Variants in GNAQ observed in about 807,000 individuals in gnomAD.
GNAQ encodes the protein guanine nucleotide-binding protein G(q) subunit alpha.
GNAQ carries 8 observed loss-of-function variants against 43.9 expected under a neutral mutation model. The ratio of observed to expected loss-of-function variants is 0.18; its 90% confidence interval spans 0.11 to 0.33. GNAQ has a LOEUF of 0.33. Ranked by LOEUF, GNAQ falls within the 10% of genes least tolerant of loss-of-function variation. The pLI, the probability that GNAQ is intolerant of heterozygous loss-of-function variation, is 1.00. For missense variants in GNAQ, 158 were observed against 450.8 expected (o/e 0.35, Z 5.88); for synonymous variants, 155 against 170.7 (o/e 0.91, Z 0.71).
chr9:77,784,919 T>C (rs573801290), intron 5 of GNAQ, among the ~76,000 whole-genome samples: 14 of 152,324 alleles, frequency 9.2e-5, no homozygotes, highest in African/African-American at 3.4e-4. Context: ...CCTGAATGTC[T>C]GAAATTTAAA....
intron 2 of GNAQ, among the ~76,000 whole-genome samples, chr9:77,841,966 T>G (rs1029065303): frequency 6.6e-6 from 1 of 152,196 alleles, no homozygotes; most frequent in Admixed American, 6.5e-5. Context: ...TTTTGTATGA[T>G]CTATGCCAAA....
At chr9:78,026,113 G>A (rs1399051657) in intron 1 of GNAQ, among the ~76,000 whole-genome samples, 2 of 152,064 alleles carry the variant, frequency 1.3e-5, no homozygotes, top group African/African-American at 4.8e-5. Context: ...ATATTAAAAT[G>A]GCTACTAAAT....
intron 2 of GNAQ, among the ~76,000 whole-genome samples, chr9:77,889,120 T>C (rs1828357464): frequency 6.6e-6 from 1 of 151,974 alleles, no homozygotes; most frequent in Admixed American, 6.6e-5. Flanking sequence ...TCAAAAAAAT[T>C]CCTTAATCCT....
chr9:77,884,688 C>T (rs867429822), intron 2 of GNAQ, among the ~76,000 whole-genome samples: 1 of 152,152 alleles, frequency 6.6e-6, no homozygotes, highest in South Asian at 2.1e-4. Flanking sequence ...GGAGGACAGG[C>T]TGTGGCTGTT....
rs977298358 is a variant in GNAQ at position 77,944,676 on chromosome 9, C to A, written c.137-22331G>T. Among the ~76,000 whole-genome samples the A allele has an allele frequency of 2.0e-5, 3 of 152,168 alleles. No homozygotes were observed. The South Asian group carries it at 6.2e-4, about 32-fold the overall frequency. ...TGTAACGCAAGAGAAATCTGGTCTG[C>A]CACTTTGACACTAACTTAGCTTGCC... On this transcript the variant is annotated intron_variant, in intron 1 of 6. Transcript: ENST00000286548.
At chr9:77,947,239 G>A (rs968869974) in intron 1 of GNAQ, among the ~76,000 whole-genome samples, 4 of 152,216 alleles carry the variant, frequency 2.6e-5, no homozygotes, top group Non-Finnish European at 5.9e-5. Context: ...ACTGGAATGA[G>A]GGGGAAGGGT....
intron 5 of GNAQ, among the ~76,000 whole-genome samples, chr9:77,761,121 G>A (rs1251864964): frequency 3.3e-5 from 5 of 151,040 alleles, no homozygotes; most frequent in Non-Finnish European, 7.4e-5. Flanking sequence ...GAGGTGGGGG[G>A]TCAGCCCCCC....
intron 2 of GNAQ, among the ~76,000 whole-genome samples, chr9:77,894,205 T>TAAG (rs1208892352): frequency 6.8e-6 from 1 of 147,410 alleles, no homozygotes; most frequent in African/African-American, 2.5e-5. Context: ...ACTACATAGA[T>TAAG]AAGGGTATTA....
chr9:77,724,186 A>G (rs187606550), intron 6 of GNAQ, among the ~76,000 whole-genome samples: 27 of 152,166 alleles, frequency 1.8e-4, no homozygotes, highest in Admixed American at 1.5e-3. Context: ...ATACCAAGCA[A>G]TAAGAAACTT....
chr9:77,948,369 C>T (rs1822931070), intron 1 of GNAQ, among the ~76,000 whole-genome samples: 1 of 152,212 alleles, frequency 6.6e-6, no homozygotes, highest in African/African-American at 2.4e-5. Flanking sequence ...CAACACAGGA[C>T]ACAAACTGCT....
At chr9:77,736,523 T>C (rs1040652196) in intron 5 of GNAQ, among the ~76,000 whole-genome samples, 1 of 152,224 alleles carries the variant, frequency 6.6e-6, no homozygotes, top group Admixed American at 6.5e-5. Context: ...TTTCTGCATA[T>C]GCATCAATGT....
At chr9:77,999,541 A>G (rs1425287894) in intron 1 of GNAQ, among the ~76,000 whole-genome samples, 1 of 152,236 alleles carries the variant, frequency 6.6e-6, no homozygotes, top group Non-Finnish European at 1.5e-5. Flanking sequence ...GATCTGCACA[A>G]GAACTAAGGA....
intron 1 of GNAQ, among the ~76,000 whole-genome samples, chr9:78,022,024 C>T (rs866651809): frequency 3.3e-5 from 5 of 152,212 alleles, no homozygotes; most frequent in Non-Finnish European, 4.4e-5. Context: ...AAACTATCAG[C>T]AGCATGCCAG....
At chr9:77,753,237 G>A (rs1825844339) in intron 5 of GNAQ, among the ~76,000 whole-genome samples, 1 of 151,956 alleles carries the variant, frequency 6.6e-6, no homozygotes, top group Admixed American at 6.6e-5. Context: ...TATGATCATC[G>A]GGAGGTGGTA....
intron 1 of GNAQ, among the ~76,000 whole-genome samples, chr9:77,939,413 C>T (rs1829282797): frequency 6.6e-6 from 1 of 152,180 alleles, no homozygotes; most frequent in Non-Finnish European, 1.5e-5. Context: ...ATATTTTAGT[C>T]ACCTTATTGA....
intron 1 of GNAQ, among the ~76,000 whole-genome samples, chr9:78,020,541 AG>A (rs1823895490): frequency 6.6e-6 from 1 of 152,190 alleles, no homozygotes; most frequent in African/African-American, 2.4e-5. Context: ...TGGGTGAGGA[AG>A]GGCACAGTGG....
intron 1 of GNAQ, among the ~76,000 whole-genome samples, chr9:77,990,211 C>A (rs1486316308): frequency 6.6e-6 from 1 of 152,062 alleles, no homozygotes; most frequent in Non-Finnish European, 1.5e-5. Context: ...GAAAATTGAT[C>A]TTTTATTTTA....
chr9:77,971,610 G>C (rs1479412678), intron 1 of GNAQ, among the ~76,000 whole-genome samples: 2 of 152,110 alleles, frequency 1.3e-5, no homozygotes, highest in South Asian at 2.1e-4. Context: ...CAATAAACTA[G>C]GTATCAATGG....
intron 5 of GNAQ, among the ~76,000 whole-genome samples, chr9:77,729,798 T>G (rs1003529712): frequency 2.6e-5 from 4 of 151,918 alleles, no homozygotes; most frequent in African/African-American, 9.7e-5. Context: ...TGCTACGGGG[T>G]GGTTTGGTGG....
Sources: allele counts gnomAD v4.1 joint callset (sites outside exome capture counted in the v4.1 genomes callset), GRCh38; gene constraint gnomAD v4.1.1; transcripts MANE v1.5; gene names NCBI Gene and HGNC (gene_info 2026-07-23, HGNC 2026-07-21).